The following ZZZ3 variants were observed in gnomAD, a reference collection of about 807,000 sequenced individuals.
The protein encoded by ZZZ3 is zinc finger ZZ-type containing 3.
Under a neutral mutation model 95.2 loss-of-function variants are expected in ZZZ3, and 22 were observed. The ratio of observed to expected loss-of-function variants is 0.23; its 90% CI spans 0.17 to 0.33. The LOEUF is 0.33. Among genes scored for constraint, ZZZ3 ranks in the 10% least tolerant of loss-of-function variants. The pLI is 1.00. For missense variants in ZZZ3, 885 were observed against 1,066.5 expected, an observed-to-expected ratio of 0.83 and a Z score of 2.37; for synonymous variants, 335 against 358.9, an observed-to-expected ratio of 0.93 and a Z score of 0.75.
intron 1 of ZZZ3, among the ~76,000 whole-genome samples, chr1:77,661,576 C>T (rs762723350): frequency 2.0e-5 from 3 of 152,124 alleles, no homozygotes; most frequent in Non-Finnish European, 4.4e-5. Flanking sequence ...TGATTAAGGG[C>T]ATTGCAGTTA....
chr1:77,566,973 G>C (rs999954357), intron 13 of ZZZ3, among the ~76,000 whole-genome samples: 23 of 152,298 alleles, frequency 1.5e-4, no homozygotes, highest in Admixed American at 1.3e-3. Context: ...AAGTTTTTCT[G>C]AAAGGCCAGA....
At chr1:77,682,241 A>G (rs938119785) in intron 1 of ZZZ3, among the ~76,000 whole-genome samples, 25 of 152,208 alleles carry the variant, frequency 1.6e-4, no homozygotes, top group Admixed American at 1.4e-3. Flanking sequence ...GCGACACAAT[A>G]GTTAACCGGT....
intron 3 of ZZZ3, among the ~76,000 whole-genome samples, chr1:77,639,853 T>C (rs914673334): frequency 4.0e-5 from 6 of 151,004 alleles, no homozygotes; most frequent in Non-Finnish European, 7.4e-5. Context: ...TAGTTTGAAC[T>C]GAGTCAAAAT....
chr1:77,598,515 C>T (rs1483704012), intron 5 of ZZZ3, among the ~76,000 whole-genome samples: 1 of 152,066 alleles, frequency 6.6e-6, no homozygotes, highest in Admixed American at 6.6e-5. Flanking sequence ...GCCACTATTG[C>T]TTTATCTTGG....
intron 5 of ZZZ3, among the ~76,000 whole-genome samples, chr1:77,620,481 G>T (rs946270395): frequency 7.7e-6 from 1 of 129,402 alleles, no homozygotes; most frequent in Non-Finnish European, 1.7e-5. Context: ...AAGAACGAAA[G>T]AATGGAAGGA....
chr1:77,682,761 G>A (rs1672911533), upstream of ZZZ3: 1 of 152,172 alleles, frequency 6.6e-6, no homozygotes, highest in African/African-American at 2.4e-5. Context: ...TCAGTATTTC[G>A]GAACTTAAAA....
At chr1:77,673,170 T>C (rs1671941351) in intron 1 of ZZZ3, among the ~76,000 whole-genome samples, 1 of 152,216 alleles carries the variant, frequency 6.6e-6, no homozygotes, top group Admixed American at 6.5e-5. Flanking sequence ...TCCAGGCATA[T>C]CATAACCATA....
At chr1:77,618,578 A>T (rs1400548656) in intron 5 of ZZZ3, among the ~76,000 whole-genome samples, 1 of 152,204 alleles carries the variant, frequency 6.6e-6, no homozygotes, top group East Asian at 1.9e-4. Context: ...TTATAATTTC[A>T]TGAGGTCTGC....
At chr1:77,602,824 T>C (rs183156198) in intron 5 of ZZZ3, among the ~76,000 whole-genome samples, 36 of 152,114 alleles carry the variant, frequency 2.4e-4, no homozygotes, top group Admixed American at 1.4e-3. Context: ...CAGGCTGGTA[T>C]TGAACTCCTG....
chr1:77,645,014 AG>A (rs1200323886), intron 1 of ZZZ3, among the ~76,000 whole-genome samples: 1 of 152,122 alleles, frequency 6.6e-6, no homozygotes, highest in East Asian at 1.9e-4. Flanking sequence ...CTTTGAGGCC[AG>A]GAGTTCGAGA....
At chr1:77,574,427 T>G (rs951937925) in intron 12 of ZZZ3, among the ~76,000 whole-genome samples, 2 of 152,208 alleles carry the variant, frequency 1.3e-5, no homozygotes, top group Non-Finnish European at 2.9e-5. Flanking sequence ...AATTTGCAAT[T>G]AAAATATGAA....
At chr1:77,569,170 C>G (rs1160868529) in intron 12 of ZZZ3, among the ~76,000 whole-genome samples, 2 of 152,168 alleles carry the variant, frequency 1.3e-5, no homozygotes, top group African/African-American at 4.8e-5. Context: ...AAGCCTGTCT[C>G]TACTAAAAAT....
intron 1 of ZZZ3, among the ~76,000 whole-genome samples, chr1:77,649,436 TAAAA>T (rs1220786229): frequency 1.3e-5 from 2 of 151,518 alleles, no homozygotes; most frequent in African/African-American, 4.9e-5. Context: ...ATTTCAAACT[TAAAA>T]TAGTAAAAAA....
rs548565553 is a variant in ZZZ3, at chr1:77,672,183, TTA to T, written c.-403+10400_-403+10401del. Among the ~76,000 whole-genome samples, 82 of 152,310 alleles carry T rather than the reference TTA, an allele frequency of 5.4e-4. 1 individual carries two copies. In the South Asian group the frequency reaches 0.016, roughly 30 times the overall value. ...ATGAGATTCTGATATTCAGAATCTG[TTA>T]TATGAGAGCTCCGAGTGCAGTGTGA... On this transcript the variant is annotated intron_variant, in intron 1 of 14. Transcript: ENST00000370801.
intron 1 of ZZZ3, 81 bp downstream of exon 1, chr1:77,682,504 C>G (rs1036234559): frequency 3.3e-5 from 5 of 152,292 alleles, no homozygotes; most frequent in African/African-American, 1.2e-4. Flanking sequence ...ACTGTATTCC[C>G]TTCAAGACTA....
At chr1:77,595,152 A>G (rs926506668) in intron 5 of ZZZ3, among the ~76,000 whole-genome samples, 6 of 152,098 alleles carry the variant, frequency 3.9e-5, no homozygotes, top group South Asian at 2.1e-4. Flanking sequence ...GATCATTACA[A>G]TTTAGGGAAG....
intron 1 of ZZZ3, among the ~76,000 whole-genome samples, chr1:77,653,353 GTAC>G (rs1669977802): frequency 6.6e-6 from 1 of 152,148 alleles, no homozygotes; most frequent in South Asian, 2.1e-4. Context: ...CTGCAATTAG[GTAC>G]TACTGATGGT....
chr1:77,609,480 T>C (rs141939589), intron 5 of ZZZ3, among the ~76,000 whole-genome samples: 72 of 152,072 alleles, frequency 4.7e-4, no homozygotes, highest in Non-Finnish European at 6.6e-4. Context: ...GGACTGATCT[T>C]CCAGACAGAA....
chr1:77,596,103 T>C (rs1664190204), intron 5 of ZZZ3, among the ~76,000 whole-genome samples: 1 of 152,042 alleles, frequency 6.6e-6, no homozygotes, highest in South Asian at 2.1e-4. Context: ...TAGAACTAGA[T>C]AAACTGAAAC....
Sources: allele counts gnomAD v4.1 joint callset (sites outside exome capture counted in the v4.1 genomes callset), GRCh38; gene constraint gnomAD v4.1.1; transcripts MANE v1.5; gene names NCBI Gene and HGNC (gene_info 2026-07-23, HGNC 2026-07-21).